The following JPH3 variants were observed in gnomAD, a reference collection of about 807,000 sequenced individuals.
The protein encoded by JPH3 is junctophilin-3.
Under a neutral mutation model 59.6 loss-of-function variants are expected in JPH3, and 11 were observed. The observed-to-expected ratio is 0.18, with a 90% CI of 0.12 to 0.31. The LOEUF (loss-of-function observed/expected upper bound fraction) is 0.31, where lower values mean the gene tolerates loss of function less well. Among genes scored for constraint, JPH3 ranks in the 10% least tolerant of loss-of-function variants. The probability of loss-of-function intolerance (pLI) is 1.00; values close to 1 mark genes in which losing one functional copy is unlikely to be tolerated. For missense variants in JPH3, 1,202 were observed against 1,105.7 expected, an observed-to-expected ratio of 1.09 and a Z score of -1.24; for synonymous variants, 673 against 483.6, an observed-to-expected ratio of 1.39 and a Z score of -5.14.
At chr16:87,662,146 G>A (rs1296905627) in intron 2 of JPH3, among the ~76,000 whole-genome samples, 2 of 152,200 alleles carry the variant, frequency 1.3e-5, no homozygotes, top group African/African-American at 4.8e-5. Context: ...TCCCCTGCCT[G>A]CCCTGGGCAC....
chr16:87,669,239 G>T (rs753636773), intron 2 of JPH3, among the ~76,000 whole-genome samples: 1 of 152,198 alleles, frequency 6.6e-6, no homozygotes, highest in Non-Finnish European at 1.5e-5. Context: ...GAATCTGCAT[G>T]TTAGTGGGAT....
At chr16:87,632,456 T>G (rs1248427436) in intron 1 of JPH3, among the ~76,000 whole-genome samples, 1 of 152,232 alleles carries the variant, frequency 6.6e-6, no homozygotes, top group Non-Finnish European at 1.5e-5. Context: ...TGGTTTGTCC[T>G]AACTTTAAGA....
In JPH3 at chr16:87,644,150, A is replaced by G. The variant is rs1450268849; in HGVS notation, c.383-108A>G. ...GAGAACCTGTCTCAAAAAACACAAA[A>G]CAACAGGAAGCTCAGACAGGACTGT... On this transcript the variant is annotated intron_variant, in intron 1 of 4. Transcript: ENST00000284262. 4.1e-6 allele frequency: 5 copies of G among 1,223,558 alleles called. No homozygotes were observed. In the Admixed American group the frequency reaches 1.2e-4, roughly 28 times the overall value. 75.8% of individuals were successfully genotyped at this position (1,223,558 alleles called of 1,614,324 possible). A position where few individuals can be genotyped will look rare whatever the true frequency, so the allele number is the denominator to read the frequency against.
At chr16:87,689,579 G>A in intron 3 of JPH3, 67 bp from the exon 4 acceptor site, 3 of 1,535,528 alleles carry the variant, frequency 2.0e-6, no homozygotes, top group Non-Finnish European at 2.7e-6. Flanking sequence ...CCTGGCCCGG[G>A]GACCGCGGCC....
At chr16:87,630,414 G>A (rs1348419955) in intron 1 of JPH3, among the ~76,000 whole-genome samples, 1 of 152,188 alleles carries the variant, frequency 6.6e-6, no homozygotes, top group Non-Finnish European at 1.5e-5. Context: ...GGGAGATCAC[G>A]AACCTGCCCC....
At chr16:87,664,927 T>C (rs1213829316) in intron 2 of JPH3, among the ~76,000 whole-genome samples, 1 of 152,206 alleles carries the variant, frequency 6.6e-6, no homozygotes, top group East Asian at 1.9e-4. Flanking sequence ...ACCTGGCCCC[T>C]GCCCAGCGCA....
chr16:87,662,207 T>A (rs2032726872), intron 2 of JPH3, among the ~76,000 whole-genome samples: 1 of 152,122 alleles, frequency 6.6e-6, no homozygotes, highest in Non-Finnish European at 1.5e-5. Context: ...CTGCTGTTTC[T>A]CTGTGACTTG....
At position 87,602,689 on chromosome 16, in the gene JPH3, G is replaced by C. The variant is rs1456498510; in HGVS notation, c.-458G>C. ...GCCGCCGCCCGCGGGCCCCGCCGCC[G>C]CCCTCGGGCGCCCGCAGCGCGGCAG... On this transcript the variant is annotated 5_prime_UTR_variant, in exon 1 of 5. Transcript: ENST00000284262. Among the ~76,000 whole-genome samples the C allele has an allele frequency of 9.8e-6, 1 of 102,092 alleles. No homozygotes were observed. The highest frequency in any genetic ancestry group is 2.0e-5 in the Non-Finnish European group (1 of 49,606). 67.0% of individuals were successfully genotyped at this position (102,092 alleles called of 152,430 possible). A position where few individuals can be genotyped will look rare whatever the true frequency, so the allele number is the denominator to read the frequency against.
rs576568279 is a variant in JPH3, at chr16:87,667,644, C to A, written c.1161-16498C>A. On this transcript the variant is annotated intron_variant, in intron 2 of 4. Transcript: ENST00000284262. The stretch of plus-strand genomic sequence containing the variant: ...TGTGACAGCGGGGGGTCTTGGGCAA[C>A]GTCCCACCCCTCTCTGGGCCTTGAA... Among the ~76,000 whole-genome samples, 16 of 152,314 alleles carry A rather than the reference C, an allele frequency of 1.1e-4. No homozygotes were observed. The East Asian group carries it at 2.9e-3, about 28-fold the overall frequency.
chr16:87,630,933 A>C (rs1436507452), intron 1 of JPH3, among the ~76,000 whole-genome samples: 1 of 152,190 alleles, frequency 6.6e-6, no homozygotes, highest in African/African-American at 2.4e-5. Context: ...ATGACTATGT[A>C]AGTATTGCTT....
At chr16:87,617,968 G>A (rs2031034881) in intron 1 of JPH3, among the ~76,000 whole-genome samples, 1 of 152,068 alleles carries the variant, frequency 6.6e-6, no homozygotes, top group Non-Finnish European at 1.5e-5. Context: ...TTTGAGACCA[G>A]CCTGGGCATC....
chr16:87,644,690 A>G lies in JPH3; in HGVS notation c.815A>G (p.Glu272Gly). Residue 272 changes from glutamate to glycine, a missense_variant, in exon 2 of 5, where the codon GAG (glutamate) becomes GGG (glycine). Glu to Gly is a moderately conservative substitution (Grantham distance 98). Coordinates refer to ENST00000284262, the MANE Select transcript of JPH3 (RefSeq NM_020655.4). ...ATCAGCCTGGGCGAGGCTGAGGCCG[A>G]GCTGGCGGTCATCGAGGACGACATC... ...STISLGEAEA[E>G]LAVIEDDIDA... is the part of the protein sequence containing the mutation. The G allele has an allele frequency of 6.2e-7, 1 of 1,611,996 alleles. No individual in the cohort carries two copies. The highest frequency in any genetic ancestry group is 8.5e-7 in the Non-Finnish European group (1 of 1,179,858).
At chr16:87,640,730 C>T (rs4240796) in intron 1 of JPH3, among the ~76,000 whole-genome samples, 27,351 of 152,106 alleles carry the variant, frequency 0.18, 2,898 homozygotes, top group East Asian at 0.38. Flanking sequence ...TCCCATGCAG[C>T]GTGTCCCCTA....
At chr16:87,612,358 C>T (rs970798201) in intron 1 of JPH3, among the ~76,000 whole-genome samples, 18 of 152,216 alleles carry the variant, frequency 1.2e-4, no homozygotes, top group Non-Finnish European at 2.6e-4. Context: ...CTCCTGAGCT[C>T]AAGCGATCCG....
chr16:87,684,991 G>A (rs952577313), intron 3 of JPH3, among the ~76,000 whole-genome samples: 3 of 152,164 alleles, frequency 2.0e-5, no homozygotes, highest in Non-Finnish European at 2.9e-5. Flanking sequence ...TTAGGAGCGC[G>A]CCCCCTCAAC....
intron 1 of JPH3, among the ~76,000 whole-genome samples, chr16:87,636,421 G>A (rs7195831): frequency 0.032 from 4,933 of 152,334 alleles, 283 homozygotes; most frequent in African/African-American, 0.11. Flanking sequence ...GCAGGCGTGT[G>A]CGCTCAATAG....
Position 87,613,020 on chromosome 16 carries a change from C to T in JPH3, c.382+9492C>T, listed in dbSNP as rs571585530. ...CGGCCTGGGTGAAAGAGTGAGACTC[C>T]GTCTCAAAAAAAATAAAGTAAAATA... is the stretch of plus-strand genomic sequence containing the variant. On this transcript the variant is annotated intron_variant, in intron 1 of 4. Transcript: ENST00000284262. Among the ~76,000 whole-genome samples the T allele has an allele frequency of 8.6e-5, 13 of 151,048 alleles. No homozygotes were observed. In the Middle Eastern group the frequency reaches 0.01, roughly 120 times the overall value.
intron 1 of JPH3, among the ~76,000 whole-genome samples, chr16:87,607,494 C>A (rs973511413): frequency 2.6e-5 from 4 of 152,236 alleles, no homozygotes; most frequent in African/African-American, 9.6e-5. Context: ...CATTTTCCAC[C>A]CCGTCCCCCA....
At chr16:87,607,544 C>T (rs944961772) in intron 1 of JPH3, among the ~76,000 whole-genome samples, 1 of 152,266 alleles carries the variant, frequency 6.6e-6, no homozygotes, top group African/African-American at 2.4e-5. Context: ...GCTTGCTCTC[C>T]ACTGGCCAAG....
Sources: allele counts gnomAD v4.1 joint callset (sites outside exome capture counted in the v4.1 genomes callset), GRCh38; gene constraint gnomAD v4.1.1; transcripts MANE v1.5; gene names NCBI Gene and HGNC (gene_info 2026-07-23, HGNC 2026-07-21).